The following CLMN variants were observed in gnomAD, a reference collection of about 807,000 sequenced individuals.
CLMN encodes calmin (calponin-like, transmembrane).
Under a neutral mutation model 92.7 loss-of-function variants are expected in CLMN, and 57 were observed. The ratio of observed to expected loss-of-function variants is 0.61; its 90% confidence interval spans 0.50 to 0.77. CLMN has a LOEUF of 0.77. Ranked by LOEUF, CLMN falls within the 30% of genes least tolerant of loss-of-function variation. The pLI, the probability that CLMN is intolerant of heterozygous loss-of-function variation, is 0.00. For missense variants in CLMN, 1,158 were observed against 1,237.5 expected (o/e 0.94, Z 0.96); for synonymous variants, 466 against 470.6 (o/e 0.99, Z 0.13).
At chr14:95,317,520 AC>A (rs1009185883) in intron 1 of CLMN, among the ~76,000 whole-genome samples, 3 of 151,642 alleles carry the variant, frequency 2.0e-5, no homozygotes, top group Non-Finnish European at 2.9e-5. Flanking sequence ...GGGCATCCAT[AC>A]CATGGAATAG....
At chr14:95,238,899 G>A (rs8007366) in intron 1 of CLMN, among the ~76,000 whole-genome samples, 20,715 of 152,066 alleles carry the variant, frequency 0.14, 2,469 homozygotes, top group African/African-American at 0.31. Flanking sequence ...ATAACCCAGG[G>A]CTCCAAAGAG....
intron 7 of CLMN, among the ~76,000 whole-genome samples, chr14:95,209,921 C>T (rs146711472): frequency 6.6e-6 from 1 of 152,180 alleles, no homozygotes; most frequent in African/African-American, 2.4e-5. Flanking sequence ...GCTAATGAAA[C>T]CTGGTCCTTA....
chr14:95,254,450 C>T (rs966774869), intron 1 of CLMN, among the ~76,000 whole-genome samples: 1 of 152,210 alleles, frequency 6.6e-6, no homozygotes, highest in African/African-American at 2.4e-5. Context: ...AAGCTCTGCA[C>T]CCAGCTGACG....
chr14:95,309,814 G>C lies in CLMN; in HGVS notation c.82+9897C>G, dbSNP rs184415969. ...TGTCTCTTCTATGGAAGCAGAGAAG[G>C]CTTGACAGCCATTTGTTATTTACTT... On this transcript the variant is annotated intron_variant, in intron 1 of 12. Coordinates refer to ENST00000298912, the MANE Select transcript of CLMN (RefSeq NM_024734.4). Among the ~76,000 whole-genome samples the C allele has an allele frequency of 1.4e-4, 22 of 152,086 alleles. No homozygotes were observed. The East Asian group carries it at 3.9e-3, about 27-fold the overall frequency.
At chr14:95,265,339 C>T (rs955594274) in intron 1 of CLMN, among the ~76,000 whole-genome samples, 5 of 152,138 alleles carry the variant, frequency 3.3e-5, no homozygotes, top group African/African-American at 1.2e-4. Context: ...TAACACAAAG[C>T]GTGACCTCCT....
At chr14:95,237,301 G>T (rs1898087821) in intron 1 of CLMN, among the ~76,000 whole-genome samples, 1 of 152,254 alleles carries the variant, frequency 6.6e-6, no homozygotes, top group Non-Finnish European at 1.5e-5. Flanking sequence ...AGCGCCTTTA[G>T]ACAAGTAGAC....
intron 1 of CLMN, among the ~76,000 whole-genome samples, chr14:95,316,966 G>A (rs986832660): frequency 1.3e-5 from 2 of 152,290 alleles, no homozygotes; most frequent in Admixed American, 6.5e-5. Context: ...CCATCGCCAC[G>A]ACAACTGCGG....
rs200061930 is a variant in CLMN, at chr14:95,201,186, TA to T, written c.2511+1651del. Among the ~76,000 whole-genome samples the T allele has an allele frequency of 3.7e-3, 566 of 151,312 alleles. 7 individuals carry two copies. Among genetic ancestry groups the T allele is most frequent in the African/African-American group, 0.013 (525 of 41,112 alleles). On this transcript the variant is annotated intron_variant, in intron 9 of 12. Coordinates refer to ENST00000298912, the MANE Select transcript of CLMN (RefSeq NM_024734.4). ...AAAAATTTAAAAATATATATATATATATTTTTTGTTTTTCAACTTTTATTTT... is the reference window on the plus strand; with the variant it reads ...AAAAATTTAAAAATATATATATATATTTTTTTGTTTTTCAACTTTTATTTT...
intron 9 of CLMN, among the ~76,000 whole-genome samples, chr14:95,200,115 T>C (rs563392870): frequency 8.7e-4 from 133 of 152,208 alleles, no homozygotes; most frequent in African/African-American, 2.9e-3. Context: ...AGCTGGTCAC[T>C]TTCCCACCTG....
chr14:95,259,127 G>C lies in CLMN; in HGVS notation c.83-28994C>G, dbSNP rs879569809. 2.3e-4 allele frequency among the ~76,000 whole-genome samples: 35 copies of C among 152,198 alleles called. No homozygotes were observed. The highest frequency in any genetic ancestry group is 2.1e-3 in the Admixed American group (32 of 15,284). On this transcript the variant is annotated intron_variant, in intron 1 of 12. Coordinates refer to ENST00000298912, the MANE Select transcript of CLMN (RefSeq NM_024734.4). This position sits in a 1 kb window ranked among gnomAD's most constrained non-coding sequence, Gnocchi z 4.3. The stretch of plus-strand genomic sequence containing the variant: ...TGGTGTGCTATGTGCATCTGTGTGT[G>C]TGAAGTGGGGTGTGCACTCAGGGAG...
At chr14:95,197,186 T>C (rs1047257869) in intron 9 of CLMN, among the ~76,000 whole-genome samples, 1 of 151,588 alleles carries the variant, frequency 6.6e-6, no homozygotes, top group African/African-American at 2.4e-5. Context: ...GAGGCAGAGG[T>C]TGCAGTGAGC....
intron 1 of CLMN, among the ~76,000 whole-genome samples, chr14:95,277,909 G>C (rs748335884): frequency 4.6e-5 from 7 of 152,258 alleles, no homozygotes; most frequent in Admixed American, 3.3e-4. Flanking sequence ...TTACAGGCGT[G>C]AGCCACTGTG....
intron 2 of CLMN, among the ~76,000 whole-genome samples, chr14:95,224,085 G>C (rs1379826619): frequency 2.6e-5 from 4 of 152,238 alleles, no homozygotes; most frequent in Non-Finnish European, 4.4e-5. Flanking sequence ...TTCACCAAGA[G>C]GGGGCTGATC....
intron 4 of CLMN, among the ~76,000 whole-genome samples, chr14:95,217,497 G>A (rs1897387701): frequency 6.6e-6 from 1 of 152,334 alleles, no homozygotes; most frequent in Middle Eastern, 3.4e-3. Flanking sequence ...TCAGAGGCCA[G>A]GAAGGAAGTT....
chr14:95,199,678 T>C (rs1318751498), intron 9 of CLMN, among the ~76,000 whole-genome samples: 2 of 152,148 alleles, frequency 1.3e-5, no homozygotes, highest in African/African-American at 4.8e-5. Flanking sequence ...CAAGGAGAGA[T>C]TGTCAAAAAT....
chr14:95,195,894 G>A (rs991084388), intron 10 of CLMN, among the ~76,000 whole-genome samples: 1 of 152,180 alleles, frequency 6.6e-6, no homozygotes, highest in African/African-American at 2.4e-5. Flanking sequence ...GGTGGCCTTG[G>A]AGTGACAGAG....
At chr14:95,204,740 C>T (rs867731611) in intron 8 of CLMN, among the ~76,000 whole-genome samples, 6 of 152,086 alleles carry the variant, frequency 3.9e-5, no homozygotes, top group African/African-American at 9.7e-5. Context: ...TATGGATTAA[C>T]GAATCTCAAT....
At chr14:95,234,793 G>T (rs1210310276) in intron 1 of CLMN, among the ~76,000 whole-genome samples, 1 of 152,194 alleles carries the variant, frequency 6.6e-6, no homozygotes, top group South Asian at 2.1e-4. Flanking sequence ...TGGGAGGTGG[G>T]ACATTCCTCT....
rs1185311480 is a variant in CLMN, at chr14:95,230,098, G to C, written c.118C>G (p.Arg40Gly). 1 of 1,614,054 alleles carries C rather than the reference G, an allele frequency of 6.2e-7. No individual in the cohort carries two copies. The highest frequency in any genetic ancestry group is 8.5e-7 in the Non-Finnish European group (1 of 1,180,012). Residue 40 changes from arginine to glycine, a missense_variant, in exon 2 of 13, where the codon CGA becomes GGA. By Grantham distance (125) the Arg-to-Gly change is moderately radical. Coordinates refer to ENST00000298912, the MANE Select transcript of CLMN (RefSeq NM_024734.4). The part of the protein sequence containing the change: ...RENVQKRTFT[R>G]WINLHLEKCN... ...TTTTCTAGATGTAGATTTATCCATC[G>C]TGTAAAGGTCCTCTTCTGCACATTT...
Sources: allele counts gnomAD v4.1 joint callset (sites outside exome capture counted in the v4.1 genomes callset), GRCh38; gene constraint gnomAD v4.1.1; non-coding constraint Gnocchi (gnomAD v3.1); transcripts MANE v1.5; gene names NCBI Gene and HGNC (gene_info 2026-07-23, HGNC 2026-07-21).